The following YTHDC1 variants were observed in gnomAD, a reference collection of about 807,000 sequenced individuals.
YTHDC1 encodes the protein YTH domain-containing protein 1.
YTHDC1 carries 12 observed loss-of-function variants against 107.0 expected under a neutral mutation model. The observed-to-expected ratio is 0.11, with a 90% CI of 0.07 to 0.18. The LOEUF (loss-of-function observed/expected upper bound fraction) is 0.18. YTHDC1 is among the 10% of genes least tolerant of loss of function. The pLI is 1.00. For synonymous variants in YTHDC1, 280 were observed against 289.5 expected (o/e 0.97, Z 0.33); for missense variants, 635 against 898.8 (o/e 0.71, Z 3.75).
intron 1 of YTHDC1, among the ~76,000 whole-genome samples, chr4:68,348,807 C>A (rs1725733482): frequency 6.6e-6 from 1 of 152,088 alleles, no homozygotes; most frequent in African/African-American, 2.4e-5. Context: ...GAGCAGCGAC[C>A]GTGTCATATT....
intron 16 of YTHDC1, among the ~76,000 whole-genome samples, chr4:68,315,553 T>A (rs1238846753): frequency 1.3e-5 from 2 of 152,090 alleles, no homozygotes; most frequent in African/African-American, 2.4e-5. Flanking sequence ...ATCAAACTTA[T>A]ATGCATATGA....
At chr4:68,342,974 G>C (rs1448372975) in intron 1 of YTHDC1, among the ~76,000 whole-genome samples, 3 of 151,956 alleles carry the variant, frequency 2.0e-5, no homozygotes, top group Non-Finnish European at 2.9e-5. Flanking sequence ...ATTCTATATA[G>C]AGATATGTAT....
chr4:68,346,666 T>C (rs1225205089), intron 1 of YTHDC1, among the ~76,000 whole-genome samples: 4 of 152,194 alleles, frequency 2.6e-5, no homozygotes, highest in African/African-American at 7.2e-5. Flanking sequence ...CTGTCTCGGG[T>C]AGTAGATCAA....
rs1721516160 is a variant in YTHDC1, at chr4:68,313,864, T to A, written c.*235A>T. The A allele has an allele frequency of 8.6e-6, 5 of 579,410 alleles. No homozygotes were observed. The highest frequency in any genetic ancestry group is 1.5e-5 in the Non-Finnish European group (5 of 327,318). The allele number at this position is 579,410 out of a possible 1,614,324, so 35.9% of individuals were successfully genotyped here. On this transcript the variant is annotated 3_prime_UTR_variant, in exon 17 of 17. Transcript: ENST00000344157. Reference sequence around the variant, plus strand: ...GTATCTACATTCTTGGACTGTTCCATTCTGCCCCAATAAAAGTGTCAATTC... The same window carrying A: ...GTATCTACATTCTTGGACTGTTCCAATCTGCCCCAATAAAAGTGTCAATTC...
At chr4:68,345,848 T>C (rs1451356355) in intron 1 of YTHDC1, among the ~76,000 whole-genome samples, 2 of 151,974 alleles carry the variant, frequency 1.3e-5, no homozygotes, top group East Asian at 1.9e-4. Context: ...ATATTTCCCA[T>C]TGTGTTACTA....
chr4:68,336,898 T>C (rs1724225278), intron 4 of YTHDC1, 129 bp downstream of exon 4: 11 of 1,279,174 alleles, frequency 8.6e-6, no homozygotes, highest in Middle Eastern at 2.0e-4. Flanking sequence ...TTCAAAAGCA[T>C]ATAAAGGATC....
chr4:68,315,848 A>C (rs1352838635), intron 16 of YTHDC1: 1 of 152,538 alleles, frequency 6.6e-6, no homozygotes, highest in East Asian at 1.9e-4. Context: ...ACCAGAGGTA[A>C]AACAATTTAT....
intron 4 of YTHDC1, among the ~76,000 whole-genome samples, chr4:68,336,515 T>C (rs535584199): frequency 2.0e-5 from 3 of 152,348 alleles, no homozygotes; most frequent in African/African-American, 7.2e-5. Context: ...CCCAGCCCTC[T>C]TGTCGACCCT....
At position 68,349,796 on chromosome 4, in the gene YTHDC1, T is replaced by G; in HGVS notation, c.-43A>C. 6.2e-7 allele frequency: 1 copy of G among 1,611,554 alleles called. No homozygotes were observed. The highest frequency in any genetic ancestry group is 8.5e-7 in the Non-Finnish European group (1 of 1,178,984). ...CGCCGCTGCCACCGCCGCCGCCGCTTAGACGCGACTCGCGCGGGCGCCGCA... is the reference window on the plus strand; with the variant it reads ...CGCCGCTGCCACCGCCGCCGCCGCTGAGACGCGACTCGCGCGGGCGCCGCA... On this transcript the variant is annotated 5_prime_UTR_variant, in exon 1 of 17. Coordinates refer to ENST00000344157, the MANE Select transcript of YTHDC1 (RefSeq NM_001031732.4).
At chr4:68,327,018 C>T (rs1723064622) in intron 9 of YTHDC1, among the ~76,000 whole-genome samples, 1 of 150,738 alleles carries the variant, frequency 6.6e-6, no homozygotes, top group Admixed American at 6.6e-5. Flanking sequence ...GGGCGGATCA[C>T]CTGAGGTCGG....
At chr4:68,346,656 C>T (rs1302234688) in intron 1 of YTHDC1, among the ~76,000 whole-genome samples, 1 of 152,162 alleles carries the variant, frequency 6.6e-6, no homozygotes, top group Admixed American at 6.5e-5. Flanking sequence ...CATTTAGTAA[C>T]TGTCTCGGGT....
chr4:68,316,798 G>C (rs1443617704), intron 15 of YTHDC1, among the ~76,000 whole-genome samples: 1 of 152,144 alleles, frequency 6.6e-6, no homozygotes, highest in African/African-American at 2.4e-5. Context: ...GTTTACAAAA[G>C]GGAAAACTGA....
Position 68,322,669 on chromosome 4 carries a change from C to G in YTHDC1, c.1601+80G>C. 6.7e-7 allele frequency: 1 copy of G among 1,489,142 alleles called. No individual in the cohort carries two copies. Among genetic ancestry groups the G allele is most frequent in the African/African-American group, 1.4e-5 (1 of 72,118 alleles). 92.2% of individuals were successfully genotyped at this position (1,489,142 alleles called of 1,614,324 possible). On this transcript the variant is annotated intron_variant, in intron 11 of 16. Transcript: ENST00000344157. This position sits in a 1 kb window ranked among gnomAD's most constrained non-coding sequence, Gnocchi z 4.8. ...TTTCTCTTTCTTCTTTACCGCAGGA[C>G]AAACTTTTGACGAATCATATTCCTC...
intron 13 of YTHDC1, 48 bp downstream of exon 13, chr4:68,318,778 A>C: frequency 6.2e-7 from 1 of 1,614,136 alleles, no homozygotes; most frequent in Non-Finnish European, 8.5e-7. Context: ...TTCATAAACT[A>C]GTTCCAAGAA....
intron 4 of YTHDC1, among the ~76,000 whole-genome samples, chr4:68,336,192 T>C (rs1724142294): frequency 6.6e-6 from 1 of 151,532 alleles, no homozygotes; most frequent in African/African-American, 2.4e-5. Flanking sequence ...TTCAAAAAAA[T>C]AGGAATTTTC....
At position 68,311,628 on chromosome 4, in the gene YTHDC1, G is replaced by A. The variant is rs1038460870; in HGVS notation, c.*2471C>T. ...AAAAATCTTGCATTTTTTATACAAT[G>A]TTCCGGTAAGTTTATTTTAAAAATT... is the stretch of plus-strand genomic sequence containing the variant. On this transcript the variant is annotated 3_prime_UTR_variant, in exon 17 of 17. Transcript: ENST00000344157. 9.9e-5 allele frequency: 15 copies of A among 152,148 alleles called. No individual in the cohort carries two copies. Among genetic ancestry groups the A allele is most frequent in the Non-Finnish European group, 5.9e-5 (4 of 68,012 alleles). 9.4% of individuals were successfully genotyped at this position (152,148 alleles called of 1,614,324 possible).
intron 9 of YTHDC1, among the ~76,000 whole-genome samples, chr4:68,327,811 T>C (rs991531169): frequency 6.6e-6 from 1 of 152,152 alleles, no homozygotes; most frequent in Non-Finnish European, 1.5e-5. Flanking sequence ...TCTAAGGAAA[T>C]ATCAATGTTA....
In YTHDC1 at chr4:68,316,294, T is replaced by C. The variant is rs373222346; in HGVS notation, c.1959+20A>G. The C allele has an allele frequency of 1.1e-5, 17 of 1,604,258 alleles. No individual in the cohort carries two copies. Among genetic ancestry groups the C allele is most frequent in the East Asian group, 2.2e-5 (1 of 44,470 alleles). ...AATTCTAAGTAGTTCCCTCACACCTTTGCCTCCTTGTGCACTTACTACTCG... is the reference window on the plus strand; with the variant it reads ...AATTCTAAGTAGTTCCCTCACACCTCTGCCTCCTTGTGCACTTACTACTCG... On this transcript the variant is annotated intron_variant, in intron 16 of 16. Coordinates refer to ENST00000344157, the MANE Select transcript of YTHDC1 (RefSeq NM_001031732.4).
chr4:68,322,639 AG>A lies in YTHDC1; in HGVS notation c.1601+109del. The A allele has an allele frequency of 7.5e-7, 1 of 1,334,680 alleles. No individual in the cohort carries two copies. The highest frequency in any genetic ancestry group is 1.0e-6 in the Non-Finnish European group (1 of 989,240). The allele number at this position is 1,334,680 out of a possible 1,614,324, so 82.7% of individuals were successfully genotyped here. A position where few individuals can be genotyped will look rare whatever the true frequency, so the allele number is the denominator to read the frequency against. ...AAACTAGTCCATGCAGCTTGATTTGAGGATTTTCTCTTTCTTCTTTACCGCA... is the reference window on the plus strand; with the variant it reads ...AAACTAGTCCATGCAGCTTGATTTGAGATTTTCTCTTTCTTCTTTACCGCA... On this transcript the variant is annotated intron_variant, in intron 11 of 16. Coordinates refer to ENST00000344157, the MANE Select transcript of YTHDC1 (RefSeq NM_001031732.4). This position sits in a 1 kb window ranked among gnomAD's most constrained non-coding sequence, Gnocchi z 4.8.
Sources: allele counts gnomAD v4.1 joint callset (sites outside exome capture counted in the v4.1 genomes callset), GRCh38; gene constraint gnomAD v4.1.1; non-coding constraint Gnocchi (gnomAD v3.1); transcripts MANE v1.5; gene names NCBI Gene and HGNC (gene_info 2026-07-23, HGNC 2026-07-21).